Variants in ITPKB observed in about 807,000 individuals in gnomAD.
The protein encoded by ITPKB is IP3 3-kinase B.
In ITPKB, 13 loss-of-function variants were observed where a neutral mutation model predicts 69.4. That is an observed-to-expected ratio of 0.19 (90% CI 0.12 to 0.30). ITPKB has a LOEUF of 0.30. Ranked by LOEUF, ITPKB falls within the 10% of genes least tolerant of loss-of-function variation. The probability of loss-of-function intolerance (pLI) is 1.00; values close to 1 mark genes in which losing one functional copy is unlikely to be tolerated. For synonymous variants in ITPKB, 584 were observed against 513.7 expected, an observed-to-expected ratio of 1.14 and a Z score of -1.85; for missense variants, 1,240 against 1,250.5, an observed-to-expected ratio of 0.99 and a Z score of 0.13.
At chr1:226,720,892 A>G (rs1657220620) in intron 2 of ITPKB, among the ~76,000 whole-genome samples, 1 of 151,814 alleles carries the variant, frequency 6.6e-6, no homozygotes, top group South Asian at 2.1e-4. Flanking sequence ...AAAACACAAA[A>G]TTAGCCAGGC....
Position 226,735,832 on chromosome 1 carries a change from G to C in ITPKB, c.1627C>G (p.Pro543Ala). The C allele has an allele frequency of 6.2e-7, 1 of 1,608,852 alleles. No individual in the cohort carries two copies. The highest frequency in any genetic ancestry group is 8.5e-7 in the Non-Finnish European group (1 of 1,175,910). The change falls in exon 2 of 8, where the codon CCA (proline) becomes GCA (alanine). Residue 543 changes from proline to alanine, a missense_variant. Physicochemically the swap from Pro to Ala is conservative, Grantham distance 27 (BLOSUM62 -1). Around this residue, in one of 2 missense-constraint regions of ITPKB, gnomAD observed 992 missense variants for 853.8 expected, o/e 1.16. Transcript: ENST00000429204. ...ESQRQDSDALPSPELLPQDPD... is the reference protein window; with the variant it reads ...ESQRQDSDALASPELLPQDPD... ...TCTTGGGGTAGCAGCTCCGGACTTGGGAGGGCATCACTGTCCTGCCGCTGG... is the reference window on the plus strand; with the variant it reads ...TCTTGGGGTAGCAGCTCCGGACTTGCGAGGGCATCACTGTCCTGCCGCTGG...
chr1:226,735,501 TG>T (rs1220287216), intron 2 of ITPKB, 25 bp downstream of exon 2: 7 of 1,482,072 alleles, frequency 4.7e-6, no homozygotes, highest in Non-Finnish European at 6.3e-6. Flanking sequence ...GCATGAGTTC[TG>T]GGCAAATCTC....
intron 7 of ITPKB, among the ~76,000 whole-genome samples, chr1:226,636,346 G>A (rs188951289): frequency 5.3e-5 from 8 of 152,224 alleles, no homozygotes; most frequent in African/African-American, 1.2e-4. Flanking sequence ...GAGAAGGACC[G>A]AGCTCCCTGC....
At chr1:226,663,160 T>C (rs1669433042) in intron 2 of ITPKB, among the ~76,000 whole-genome samples, 1 of 152,230 alleles carries the variant, frequency 6.6e-6, no homozygotes, top group Non-Finnish European at 1.5e-5. Context: ...GTGATTTTCA[T>C]AAACAGATTG....
chr1:226,638,792 G>A (rs748830323), intron 6 of ITPKB, among the ~76,000 whole-genome samples: 13 of 151,860 alleles, frequency 8.6e-5, no homozygotes, highest in Non-Finnish European at 1.8e-4. Context: ...ACCCACAGCA[G>A]GTCTGCTGTG....
At chr1:226,726,209 G>T (rs1277292588) in intron 2 of ITPKB, among the ~76,000 whole-genome samples, 1 of 152,214 alleles carries the variant, frequency 6.6e-6, no homozygotes, top group African/African-American at 2.4e-5. Flanking sequence ...GGATCTGAGA[G>T]TCACAAGTCT....
At chr1:226,649,592 T>C (rs558101793) in intron 2 of ITPKB, among the ~76,000 whole-genome samples, 114 of 152,172 alleles carry the variant, frequency 7.5e-4, no homozygotes, top group Non-Finnish European at 1.3e-3. Context: ...CGTGTGCATG[T>C]GTGTGCGTGC....
chr1:226,734,597 T>C (rs1657690899), intron 2 of ITPKB, among the ~76,000 whole-genome samples: 1 of 152,200 alleles, frequency 6.6e-6, no homozygotes, highest in South Asian at 2.1e-4. Context: ...GCCCAGACCT[T>C]TTCAGAAGTG....
In ITPKB at chr1:226,737,397, T is replaced by C; in HGVS notation, c.62A>G (p.Lys21Arg). The C allele has an allele frequency of 6.2e-7, 1 of 1,611,004 alleles. No homozygotes were observed. Among genetic ancestry groups the C allele is most frequent in the Non-Finnish European group, 8.5e-7 (1 of 1,179,548 alleles). The change falls in exon 2 of 8, where the codon AAG becomes AGG. Residue 21 changes from lysine to arginine, a missense_variant. Physicochemically the swap from Lys to Arg is conservative, Grantham distance 26 (BLOSUM62 2). Transcript: ENST00000429204. ...ACTGGGCCCCGGGCCGCCGCCGCTC[T>C]TCATCTCGTTGGCGCTATTCATGAT... ...LVIMNSANEM[K>R]SGGGPGPSGS...
chr1:226,679,872 T>A (rs1262898233), intron 2 of ITPKB, among the ~76,000 whole-genome samples: 1 of 152,182 alleles, frequency 6.6e-6, no homozygotes, highest in East Asian at 1.9e-4. Flanking sequence ...AGCGTCCTTT[T>A]CACCAGTGAA....
At position 226,647,325 on chromosome 1, in the gene ITPKB, C is replaced by T. The variant is rs1301200274; in HGVS notation, c.2088G>A (p.Glu696=). 1 of 1,614,070 alleles carries T rather than the reference C, an allele frequency of 6.2e-7. No homozygotes were observed. The highest frequency in any genetic ancestry group is 8.5e-7 in the Non-Finnish European group (1 of 1,180,016). ...GRILKKHCES[E]QRCLDRLMVD... is the part of the protein sequence containing the mutation. Reference sequence around the variant, plus strand: ...CCATCAGCCGGTCCAGGCAGCGCTGCTCTGACTCACAGTGCTTCTTCAGGA... The same window carrying T: ...CCATCAGCCGGTCCAGGCAGCGCTGTTCTGACTCACAGTGCTTCTTCAGGA... Residue 696 remains glutamate (E), a synonymous_variant, in exon 4 of 8, where the codon GAG becomes GAA. Transcript: ENST00000429204.
intron 2 of ITPKB, among the ~76,000 whole-genome samples, chr1:226,683,417 CG>C (rs1311285002): frequency 5.9e-5 from 9 of 152,166 alleles, no homozygotes; most frequent in African/African-American, 2.2e-4. Flanking sequence ...CTGGATTCAT[CG>C]GTAAGAAAAC....
chr1:226,735,445 G>A (rs1657714860), intron 2 of ITPKB, 82 bp downstream of exon 2: 17 of 1,401,552 alleles, frequency 1.2e-5, no homozygotes, highest in Non-Finnish European at 1.6e-5. Flanking sequence ...TGTGTAGAAA[G>A]TTAAGAAAAA....
chr1:226,636,322 G>A lies in ITPKB; in HGVS notation c.2625+1357C>T, dbSNP rs1261288458. Among the ~76,000 whole-genome samples the A allele has an allele frequency of 5.1e-4, 78 of 152,338 alleles. 1 individual carries two copies. The highest frequency in any genetic ancestry group is 5.1e-3 in the Admixed American group (78 of 15,306). On this transcript the variant is annotated intron_variant, in intron 7 of 7. Transcript: ENST00000429204. ...GCTGAGGGTCTGGGGGACAAGGAGA[G>A]CAAAGAACATTCCGAGAAGGACCGA... is the stretch of plus-strand genomic sequence containing the variant.
At chr1:226,648,142 A>G (rs986087490) in intron 3 of ITPKB, among the ~76,000 whole-genome samples, 4 of 152,074 alleles carry the variant, frequency 2.6e-5, no homozygotes, top group Non-Finnish European at 5.9e-5. Flanking sequence ...CCTTCCTCCC[A>G]ACACCGCACA....
chr1:226,659,627 A>G (rs1558076946), intron 2 of ITPKB: 2 of 150,862 alleles, frequency 1.3e-5, no homozygotes, highest in Non-Finnish European at 2.9e-5. Context: ...GCCCCACGCC[A>G]CTCCTGGAAT....
intron 4 of ITPKB, among the ~76,000 whole-genome samples, chr1:226,646,036 C>G (rs1202092244): frequency 6.6e-6 from 1 of 151,970 alleles, no homozygotes; most frequent in Non-Finnish European, 1.5e-5. Flanking sequence ...CTGTCTCTGT[C>G]TCTCTCTCTC....
At chr1:226,649,506 G>C (rs549586199) in intron 2 of ITPKB, among the ~76,000 whole-genome samples, 14 of 150,986 alleles carry the variant, frequency 9.3e-5, no homozygotes, top group Admixed American at 6.6e-5. Context: ...GTGCATGCGT[G>C]ATATGTGCAT....
chr1:226,723,411 C>T (rs902937018), intron 2 of ITPKB, among the ~76,000 whole-genome samples: 1 of 152,128 alleles, frequency 6.6e-6, no homozygotes, highest in Non-Finnish European at 1.5e-5. Flanking sequence ...TCTCCTTAAT[C>T]TCAGAGAGAG....
Sources: gnomAD v4.1 joint callset for allele counts (sites outside exome capture counted in the v4.1 genomes callset) on GRCh38, gnomAD v4.1.1 for gene constraint, gnomAD v4.1.1 regional missense constraint, MANE v1.5 for transcripts, NCBI Gene and HGNC (gene_info 2026-07-23, HGNC 2026-07-21) for gene names.